Variants in ZFYVE9 observed in about 807,000 individuals in gnomAD.
ZFYVE9 encodes the protein zinc finger FYVE domain-containing protein 9.
ZFYVE9 carries 43 observed loss-of-function variants against 126.7 expected under a neutral mutation model. The observed-to-expected ratio is 0.34, with a 90% CI of 0.27 to 0.44. ZFYVE9 has a LOEUF of 0.44. Ranked by LOEUF, ZFYVE9 falls within the 20% of genes least tolerant of loss-of-function variation. The pLI is 1.00. For missense variants in ZFYVE9, 1,476 were observed against 1,697.0 expected (o/e 0.87, Z 2.29); for synonymous variants, 521 against 597.4 (o/e 0.87, Z 1.87).
chr1:52,220,968 G>A (rs1645119416), intron 2 of ZFYVE9, among the ~76,000 whole-genome samples: 1 of 152,192 alleles, frequency 6.6e-6, no homozygotes, highest in Non-Finnish European at 1.5e-5. Context: ...TCTTCTGGCA[G>A]CTGAAGATTT....
At chr1:52,195,198 T>C (rs1644849406) in intron 1 of ZFYVE9, among the ~76,000 whole-genome samples, 1 of 152,178 alleles carries the variant, frequency 6.6e-6, no homozygotes, top group Non-Finnish European at 1.5e-5. Flanking sequence ...TGCAAAACAG[T>C]GAGCACAGCT....
intron 1 of ZFYVE9, among the ~76,000 whole-genome samples, chr1:52,157,715 T>C (rs572055243): frequency 1.3e-5 from 2 of 152,244 alleles, no homozygotes; most frequent in East Asian, 3.9e-4. Flanking sequence ...CTGCACCATA[T>C]TCTCTTAACT....
At chr1:52,278,373 C>G (rs1338304101) in intron 8 of ZFYVE9, 119 bp from the exon 9 acceptor site, 1 of 1,303,336 alleles carries the variant, frequency 7.7e-7, no homozygotes, top group African/African-American at 1.5e-5. Context: ...TCTGTATGCA[C>G]CTATTGATAA....
At chr1:52,276,128 G>C (rs1645746183) in intron 8 of ZFYVE9, among the ~76,000 whole-genome samples, 1 of 151,926 alleles carries the variant, frequency 6.6e-6, no homozygotes, top group Non-Finnish European at 1.5e-5. Context: ...GGCTGGTCTT[G>C]AACTCTTGAC....
chr1:52,212,302 G>A (rs1357636722), intron 1 of ZFYVE9, among the ~76,000 whole-genome samples: 2 of 152,074 alleles, frequency 1.3e-5, no homozygotes, highest in African/African-American at 4.8e-5. Flanking sequence ...ATGCCACTAT[G>A]CCTGGCTAAT....
At chr1:52,175,209 A>G (rs1644613707) in intron 1 of ZFYVE9, among the ~76,000 whole-genome samples, 1 of 151,372 alleles carries the variant, frequency 6.6e-6, no homozygotes, top group South Asian at 2.1e-4. Context: ...GGTGGTGACA[A>G]AATCTCTCAG....
chr1:52,236,692 C>G (rs1437655196), intron 3 of ZFYVE9, among the ~76,000 whole-genome samples: 1 of 152,062 alleles, frequency 6.6e-6, no homozygotes, highest in Non-Finnish European at 1.5e-5. Flanking sequence ...TAAATGAACA[C>G]TTTTTGCCCA....
intron 2 of ZFYVE9, among the ~76,000 whole-genome samples, chr1:52,218,096 T>A (rs751071886): frequency 6.6e-6 from 1 of 152,220 alleles, no homozygotes; most frequent in Non-Finnish European, 1.5e-5. Context: ...CGCAGGACCC[T>A]GATGCTGTCT....
intron 1 of ZFYVE9, among the ~76,000 whole-genome samples, chr1:52,214,152 C>T (rs140438901): frequency 3.5e-4 from 53 of 152,220 alleles, no homozygotes; most frequent in Non-Finnish European, 5.7e-4. Context: ...TGTGGCCGGG[C>T]GCGGTGCCTC....
At chr1:52,324,109 G>T (rs536223853) in intron 13 of ZFYVE9, among the ~76,000 whole-genome samples, 1 of 151,860 alleles carries the variant, frequency 6.6e-6, no homozygotes, top group Admixed American at 6.6e-5. Flanking sequence ...AGATAGCTGG[G>T]CATAGTGGTA....
chr1:52,195,932 A>T (rs1290274717), intron 1 of ZFYVE9, among the ~76,000 whole-genome samples: 1 of 152,038 alleles, frequency 6.6e-6, no homozygotes, highest in African/African-American at 2.4e-5. Context: ...AGCCGGGACT[A>T]TAGGTTCGCG....
intron 13 of ZFYVE9, among the ~76,000 whole-genome samples, chr1:52,317,486 AAAAAAAAAAAAGAAAG>A (rs1436736846): frequency 0.036 from 7 of 196 alleles, no homozygotes; most frequent in African/African-American, 0.051. Flanking sequence ...TGTCTCAGAA[AAAAAAAAAAAAGAAAG>A]AAAAAAAGAC....
intron 2 of ZFYVE9, among the ~76,000 whole-genome samples, chr1:52,218,227 A>C (rs537558455): frequency 1.3e-5 from 2 of 152,024 alleles, no homozygotes; most frequent in South Asian, 4.2e-4. Flanking sequence ...CACAAGTGCC[A>C]CTCCAGTTGC....
At chr1:52,147,571 T>C (rs574200480) in intron 1 of ZFYVE9, among the ~76,000 whole-genome samples, 1 of 152,380 alleles carries the variant, frequency 6.6e-6, no homozygotes, top group Admixed American at 6.5e-5. Flanking sequence ...TTCATTTCTT[T>C]TTATTGCTGA....
At chr1:52,272,595 A>G (rs550084484) in intron 7 of ZFYVE9, among the ~76,000 whole-genome samples, 1 of 150,498 alleles carries the variant, frequency 6.6e-6, no homozygotes, top group East Asian at 1.9e-4. Context: ...CATTTATGTT[A>G]TGTTCTCCTG....
chr1:52,297,599 T>C (rs562602147), intron 12 of ZFYVE9, among the ~76,000 whole-genome samples: 1 of 152,278 alleles, frequency 6.6e-6, no homozygotes, highest in Non-Finnish European at 1.5e-5. Flanking sequence ...AATGGTTCTT[T>C]TTAAGCCACT....
chr1:52,238,590 G>T lies in ZFYVE9; in HGVS notation c.1173G>T (p.Glu391Asp). 1 of 1,614,042 alleles carries T rather than the reference G, an allele frequency of 6.2e-7. No individual in the cohort carries two copies. Residue 391 changes from glutamate to aspartate, a missense_variant, in exon 4 of 19, where the codon GAG (glutamate) becomes GAT (aspartate). Around this residue, in one of 2 missense-constraint regions of ZFYVE9, gnomAD observed 807 missense variants for 794.6 expected, o/e 1.02. Transcript: ENST00000287727. ...CTACAGAATTCCTTAATATGACAGA[G>T]CATTTCTCTGAATCTCAGGACATGA... is the stretch of plus-strand genomic sequence containing the variant. ...LGTTEFLNMT[E>D]HFSESQDMTN...
chr1:52,258,333 G>A (rs11810532), intron 4 of ZFYVE9, among the ~76,000 whole-genome samples: 7,158 of 142,754 alleles, frequency 0.05, 565 homozygotes, highest in African/African-American at 0.18. Context: ...TTTACTCTAA[G>A]CCTGTAGCTT....
chr1:52,310,414 A>G (rs1646126937), intron 13 of ZFYVE9, among the ~76,000 whole-genome samples: 1 of 152,198 alleles, frequency 6.6e-6, no homozygotes, highest in Non-Finnish European at 1.5e-5. Context: ...GGAAATTAAG[A>G]TACAGAGAAC....
Sources: allele counts gnomAD v4.1 joint callset (sites outside exome capture counted in the v4.1 genomes callset), GRCh38; gene constraint gnomAD v4.1.1; regional missense constraint gnomAD v4.1.1; transcripts MANE v1.5; gene names NCBI Gene and HGNC (gene_info 2026-07-23, HGNC 2026-07-21).